Variants in ANO3 observed in about 807,000 individuals in gnomAD.
The protein encoded by ANO3 is anoctamin 3.
A neutral mutation model predicts 144.8 loss-of-function variants in ANO3; 99 were observed. The ratio of observed to expected loss-of-function variants is 0.68; its 90% CI spans 0.58 to 0.81. The LOEUF (loss-of-function observed/expected upper bound fraction) is 0.81, where lower values mean the gene tolerates loss of function less well. Ranked by LOEUF, ANO3 falls within the 30% of genes least tolerant of loss-of-function variation. The pLI, the probability that ANO3 is intolerant of heterozygous loss-of-function variation, is 0.00. For missense variants in ANO3, 905 were observed against 1,202.2 expected (o/e 0.75, Z 3.66); for synonymous variants, 414 against 392.6 (o/e 1.05, Z -0.64).
At chr11:26,655,929 A>G (rs973048050) in intron 24 of ANO3, among the ~76,000 whole-genome samples, 196 bp from the exon 25 acceptor site, 2 of 152,154 alleles carry the variant, frequency 1.3e-5, no homozygotes, top group Non-Finnish European at 2.9e-5. Context: ...TTGGGAGAAA[A>G]CGGCAGGGCA....
chr11:26,493,482 G>A (rs552862457), intron 4 of ANO3, among the ~76,000 whole-genome samples: 133 of 152,218 alleles, frequency 8.7e-4, no homozygotes, highest in Non-Finnish European at 1.6e-3. Context: ...CTCCAAATAA[G>A]GGTGCATTAT....
chr11:26,448,213 C>T (rs555935072), intron 3 of ANO3, among the ~76,000 whole-genome samples: 3 of 151,540 alleles, frequency 2.0e-5, no homozygotes, highest in Non-Finnish European at 2.9e-5. Flanking sequence ...GCAGGAGAAT[C>T]GCTTGAACCC....
intron 11 of ANO3, among the ~76,000 whole-genome samples, chr11:26,542,808 T>G (rs980551638): frequency 6.7e-6 from 1 of 148,440 alleles, no homozygotes; most frequent in Non-Finnish European, 1.5e-5. Flanking sequence ...AAATCTGTAT[T>G]AACAAGGACT....
At chr11:26,497,025 G>C (rs1263658669) in intron 4 of ANO3, among the ~76,000 whole-genome samples, 1 of 142,940 alleles carries the variant, frequency 7.0e-6, no homozygotes, top group African/African-American at 2.6e-5. Context: ...CATATATACA[G>C]ACACACACAC....
At chr11:26,510,027 T>C (rs567944046) in intron 5 of ANO3, among the ~76,000 whole-genome samples, 1 of 150,526 alleles carries the variant, frequency 6.6e-6, no homozygotes, top group African/African-American at 2.4e-5. Context: ...CCAGCTACTC[T>C]GGAGGCTGAG....
chr11:26,387,897 A>G (rs944071729), intron 1 of ANO3, among the ~76,000 whole-genome samples: 1 of 151,996 alleles, frequency 6.6e-6, no homozygotes. Flanking sequence ...TGAAATTACA[A>G]TTTCAGCTCC....
intron 1 of ANO3, among the ~76,000 whole-genome samples, chr11:26,194,390 T>C (rs1003529067): frequency 2.0e-5 from 3 of 151,940 alleles, no homozygotes; most frequent in Non-Finnish European, 4.4e-5. Context: ...ACAAATGTCA[T>C]AATTCTTTTT....
chr11:26,256,219 G>T (rs573994073), intron 1 of ANO3, among the ~76,000 whole-genome samples: 2 of 152,238 alleles, frequency 1.3e-5, no homozygotes, highest in African/African-American at 4.8e-5. Context: ...AGCACTTCAA[G>T]ATTATACCAT....
intron 1 of ANO3, among the ~76,000 whole-genome samples, chr11:26,203,117 A>T (rs1211848698): frequency 6.6e-6 from 1 of 152,138 alleles, no homozygotes; most frequent in African/African-American, 2.4e-5. Context: ...GGATAGTGAC[A>T]TGGTTCAAGC....
intron 14 of ANO3, among the ~76,000 whole-genome samples, chr11:26,589,064 A>G (rs1851368029): frequency 6.6e-6 from 1 of 152,178 alleles, no homozygotes; most frequent in Non-Finnish European, 1.5e-5. Context: ...AAATCAGAAC[A>G]CCAACCAACC....
intron 1 of ANO3, among the ~76,000 whole-genome samples, chr11:26,346,334 A>T (rs530630193): frequency 6.6e-6 from 1 of 152,348 alleles, no homozygotes; most frequent in Non-Finnish European, 1.5e-5. Context: ...ATAGGGCCTT[A>T]TGAAATTTAG....
intron 4 of ANO3, among the ~76,000 whole-genome samples, chr11:26,475,697 ATGTC>A (rs1307733629): frequency 3.3e-5 from 5 of 152,084 alleles, no homozygotes; most frequent in South Asian, 2.1e-4. Flanking sequence ...AGAAATATGT[ATGTC>A]TATCATAAAA....
intron 14 of ANO3, among the ~76,000 whole-genome samples, chr11:26,571,503 C>A (rs1473634053): frequency 1.3e-5 from 2 of 151,966 alleles, no homozygotes; most frequent in Non-Finnish European, 2.9e-5. Context: ...AACAGTTTCC[C>A]AACTTTTTAA....
chr11:26,192,740 A>T (rs1489668960), intron 1 of ANO3, among the ~76,000 whole-genome samples: 1 of 152,134 alleles, frequency 6.6e-6, no homozygotes, highest in African/African-American at 2.4e-5. Flanking sequence ...GACAGCCGAG[A>T]GAGAGCTGAA....
At chr11:26,294,491 T>C (rs1000502739) in intron 1 of ANO3, among the ~76,000 whole-genome samples, 21 of 152,228 alleles carry the variant, frequency 1.4e-4, no homozygotes, top group African/African-American at 5.1e-4. Flanking sequence ...GGAATGCCTA[T>C]ATAGAACAAT....
intron 14 of ANO3, among the ~76,000 whole-genome samples, chr11:26,571,547 TTCTAA>T (rs1850827914): frequency 1.3e-5 from 2 of 152,202 alleles, no homozygotes; most frequent in African/African-American, 2.4e-5. Flanking sequence ...TTATAGAAGC[TTCTAA>T]TCTATTTTAT....
chr11:26,516,854 T>C lies in ANO3; in HGVS notation c.619T>C (p.Phe207Leu), dbSNP rs779230773. 4 of 1,611,648 alleles carry C rather than the reference T, an allele frequency of 2.5e-6. No homozygotes were observed. The highest frequency in any genetic ancestry group is 3.4e-6 in the Non-Finnish European group (4 of 1,178,338). ...AGCTATTGCAAGCCCCGATATCATG[T>C]TTATTAAAATTCACATTCCATGGGA... ...EPAIASPDIM[F>L]IKIHIPWDTL... The change falls in exon 6 of 27, where the codon TTT becomes CTT. Residue 207 changes from phenylalanine to leucine, a missense_variant. Phe to Leu is a conservative substitution (Grantham distance 22). Around this residue, in one of 4 missense-constraint regions of ANO3, gnomAD observed 63 missense variants for 107.3 expected, o/e 0.59. Coordinates refer to ENST00000256737, the MANE Select transcript of ANO3 (RefSeq NM_031418.4).
intron 1 of ANO3, among the ~76,000 whole-genome samples, chr11:26,438,592 C>CAAAAAAAAAAAAAA (rs1227963923): frequency 1.4e-5 from 1 of 70,286 alleles, no homozygotes; most frequent in Non-Finnish European, 2.5e-5. Context: ...ACTAAAAATA[C>CAAAAAAAAAAAAAA]AAAAAAAAAA....
In ANO3 at chr11:26,332,267, A is replaced by G. The variant is rs761899821; in HGVS notation, c.-9A>G. 4.3e-6 allele frequency: 7 copies of G among 1,614,006 alleles called. No individual in the cohort carries two copies. The highest frequency in any genetic ancestry group is 2.2e-5 in the East Asian group (1 of 44,848). On this transcript the variant is annotated 5_prime_UTR_variant, in exon 1 of 27. Transcript: ENST00000256737. ...GCTCCCTAAGCCGGCTGGGACGCGCAGAGTGAAAATGGTCCACCATTCAGG... is the reference window on the plus strand; with the variant it reads ...GCTCCCTAAGCCGGCTGGGACGCGCGGAGTGAAAATGGTCCACCATTCAGG...
Sources: gnomAD v4.1 joint callset for allele counts (sites outside exome capture counted in the v4.1 genomes callset) on GRCh38, gnomAD v4.1.1 for gene constraint, gnomAD v4.1.1 regional missense constraint, MANE v1.5 for transcripts, NCBI Gene and HGNC (gene_info 2026-07-23, HGNC 2026-07-21) for gene names.